The following SPOCK3 variants were observed in gnomAD, a reference collection of about 807,000 sequenced individuals.
The protein encoded by SPOCK3 is testican-3.
A neutral mutation model predicts 56.6 loss-of-function variants in SPOCK3; 30 were observed. That is an observed-to-expected ratio of 0.53 (90% CI 0.40 to 0.72). The LOEUF (loss-of-function observed/expected upper bound fraction) is 0.72. Among genes scored for constraint, SPOCK3 ranks in the 30% least tolerant of loss-of-function variants. The pLI, the probability that SPOCK3 is intolerant of heterozygous loss-of-function variation, is 0.00. For missense variants in SPOCK3, 527 were observed against 530.0 expected (o/e 0.99, Z 0.06); for synonymous variants, 196 against 183.3 (o/e 1.07, Z -0.56).
At chr4:167,138,743 T>C (rs879389690) in intron 2 of SPOCK3, among the ~76,000 whole-genome samples, 2 of 151,834 alleles carry the variant, frequency 1.3e-5, no homozygotes, top group Non-Finnish European at 2.9e-5. Context: ...TTGGAAAAGA[T>C]ACCCTAAAAA....
chr4:166,821,307 G>A (rs891667108), intron 6 of SPOCK3, among the ~76,000 whole-genome samples: 4 of 152,032 alleles, frequency 2.6e-5, no homozygotes, highest in African/African-American at 4.8e-5. Flanking sequence ...CATACAAAGT[G>A]TTGTCACAAC....
chr4:167,220,837 G>A (rs972292324), intron 2 of SPOCK3, among the ~76,000 whole-genome samples: 2 of 152,130 alleles, frequency 1.3e-5, no homozygotes, highest in African/African-American at 4.8e-5. Context: ...TGAACAGTAT[G>A]TGATTTGAAA....
Position 166,934,995 on chromosome 4 carries a change from T to C in SPOCK3, c.351-22252A>G, listed in dbSNP as rs375282568. On this transcript the variant is annotated intron_variant, in intron 4 of 10. Transcript: ENST00000357545. ...GAGGAAACTGTGAGTAAAGTCACTC[T>C]GAGAAGCAAAAAAGTCGGCTTGACC... is the stretch of plus-strand genomic sequence containing the variant. Among the ~76,000 whole-genome samples, 37 of 152,234 alleles carry C rather than the reference T, an allele frequency of 2.4e-4. No individual in the cohort carries two copies. In the South Asian group the frequency reaches 7.3e-3, roughly 30 times the overall value.
intron 6 of SPOCK3, among the ~76,000 whole-genome samples, chr4:166,863,968 T>C (rs1731515834): frequency 6.6e-6 from 1 of 152,020 alleles, no homozygotes; most frequent in Non-Finnish European, 1.5e-5. Context: ...CCACCCCAAA[T>C]CAACAGAATA....
At chr4:167,082,781 A>AGGGAGGGAGGGG in intron 2 of SPOCK3, among the ~76,000 whole-genome samples, 1 of 134,650 alleles carries the variant, frequency 7.4e-6, no homozygotes, top group African/African-American at 2.9e-5. Flanking sequence ...GGAGGGAGGG[A>AGGGAGGGAGGGG]AGGGAAGGAA....
intron 2 of SPOCK3, among the ~76,000 whole-genome samples, chr4:167,166,562 ACT>A (rs1765782573): frequency 6.6e-6 from 1 of 151,928 alleles, no homozygotes; most frequent in South Asian, 2.1e-4. Context: ...TATTTTTATA[ACT>A]CTGGTTATAA....
rs558732453 is a variant in SPOCK3 at position 167,153,585 on chromosome 4, A to G, written c.189+80400T>C. 6.6e-5 allele frequency among the ~76,000 whole-genome samples: 10 copies of G among 152,332 alleles called. No homozygotes were observed. The South Asian group carries it at 2.1e-3, about 32-fold the overall frequency. On this transcript the variant is annotated intron_variant, in intron 2 of 10. Transcript: ENST00000357545. ...GTATTGGATAATGCAAATATAGATC[A>G]TTTTTATTACCATAGAAAGTTTTAC...
chr4:167,207,886 A>G (rs921189630), intron 2 of SPOCK3, among the ~76,000 whole-genome samples: 8 of 152,036 alleles, frequency 5.3e-5, no homozygotes, highest in African/African-American at 1.9e-4. Context: ...AAAAAAAAAA[A>G]TTCAGTTTCA....
intron 2 of SPOCK3, among the ~76,000 whole-genome samples, chr4:167,165,756 T>G (rs764586386): frequency 6.6e-6 from 1 of 152,068 alleles, no homozygotes; most frequent in Non-Finnish European, 1.5e-5. Flanking sequence ...GAGAGGCCTG[T>G]TGAGCACACA....
At chr4:166,902,693 A>G (rs1257315846) in intron 5 of SPOCK3, among the ~76,000 whole-genome samples, 8 of 151,794 alleles carry the variant, frequency 5.3e-5, no homozygotes, top group Non-Finnish European at 1.2e-4. Flanking sequence ...ATATACATGT[A>G]CACTCACATA....
intron 2 of SPOCK3, among the ~76,000 whole-genome samples, chr4:167,216,188 G>A (rs981341494): frequency 7.9e-5 from 12 of 151,758 alleles, no homozygotes; most frequent in East Asian, 3.9e-4. Flanking sequence ...TCCCTCTAAC[G>A]TGACTATACA....
chr4:166,966,585 CTG>C (rs1744762786), intron 4 of SPOCK3, among the ~76,000 whole-genome samples: 2 of 152,118 alleles, frequency 1.3e-5, no homozygotes, highest in Admixed American at 1.3e-4. Flanking sequence ...TGAAGTGAAA[CTG>C]TTATTTTATA....
chr4:167,139,101 C>T (rs570060146), intron 2 of SPOCK3, among the ~76,000 whole-genome samples: 97 of 152,054 alleles, frequency 6.4e-4, no homozygotes, highest in Non-Finnish European at 1.2e-3. Context: ...TATGAAGGGA[C>T]TCTAGCCAAA....
intron 4 of SPOCK3, among the ~76,000 whole-genome samples, chr4:166,983,976 C>T (rs898716099): frequency 5.3e-5 from 8 of 152,020 alleles, no homozygotes; most frequent in South Asian, 2.1e-4. Context: ...CCATGCATCA[C>T]GGAAATACTT....
At chr4:167,169,646 C>T (rs1730320915) in intron 2 of SPOCK3, among the ~76,000 whole-genome samples, 2 of 152,074 alleles carry the variant, frequency 1.3e-5, no homozygotes, top group Admixed American at 6.6e-5. Flanking sequence ...TGAATTAATG[C>T]TGAAATTAGT....
chr4:167,170,408 C>T (rs1470729246), intron 2 of SPOCK3, among the ~76,000 whole-genome samples: 1 of 152,110 alleles, frequency 6.6e-6, no homozygotes, highest in Admixed American at 6.6e-5. Context: ...ATAATATTTG[C>T]TATATGGCCA....
chr4:167,016,469 A>T (rs547134735), intron 3 of SPOCK3, among the ~76,000 whole-genome samples: 1 of 152,072 alleles, frequency 6.6e-6, no homozygotes, highest in Non-Finnish European at 1.5e-5. Context: ...TAAAATCTTC[A>T]CTATATTGCG....
chr4:167,234,351 C>G lies in SPOCK3; in HGVS notation c.-1+99G>C. 6 of 631,540 alleles carry G rather than the reference C, an allele frequency of 9.5e-6. 1 individual carries two copies. The South Asian group carries it at 1.1e-4, about 12-fold the overall frequency. The allele number at this position is 631,540 out of a possible 1,614,324, so 39.1% of individuals were successfully genotyped here. ...GCTTTACCCCCAAAAGCCGGGCACTCACACACACGCAGACCCAGAGGAGGA... is the reference window on the plus strand; with the variant it reads ...GCTTTACCCCCAAAAGCCGGGCACTGACACACACGCAGACCCAGAGGAGGA... On this transcript the variant is annotated intron_variant, in intron 1 of 10. Transcript: ENST00000357545.
Position 166,856,241 on chromosome 4 carries a change from TTAGA to T in SPOCK3, c.589+32885_589+32888del, listed in dbSNP as rs1730648407. Among the ~76,000 whole-genome samples the T allele has an allele frequency of 5.9e-5, 9 of 151,748 alleles. No homozygotes were observed. The South Asian group carries it at 1.9e-3, about 32-fold the overall frequency. ...TTGGCCAATGGGCACAAAGTTTCCA[TTAGA>T]TAGGAGAAATAGTGCTGATGTTCTA... On this transcript the variant is annotated intron_variant, in intron 6 of 10. Coordinates refer to ENST00000357545, the MANE Select transcript of SPOCK3 (RefSeq NM_001040159.2).
Sources: gnomAD v4.1 joint callset for allele counts (sites outside exome capture counted in the v4.1 genomes callset) on GRCh38, gnomAD v4.1.1 for gene constraint, MANE v1.5 for transcripts, NCBI Gene and HGNC (gene_info 2026-07-23, HGNC 2026-07-21) for gene names.